Variants in EFR3B observed in about 807,000 individuals in gnomAD.
EFR3B encodes EFR3 homolog B.
A neutral mutation model predicts 104.7 loss-of-function variants in EFR3B; 64 were observed. The observed-to-expected ratio is 0.61, with a 90% confidence interval of 0.50 to 0.75. The LOEUF (loss-of-function observed/expected upper bound fraction) is 0.75. EFR3B is among the 30% of genes least tolerant of loss of function. The pLI is 0.00. For missense variants in EFR3B, 750 were observed against 1,078.5 expected, an observed-to-expected ratio of 0.70 and a Z score of 4.27; for synonymous variants, 385 against 417.9, an observed-to-expected ratio of 0.92 and a Z score of 0.96.
At chr2:25,122,196 A>G (rs1304904639) in intron 5 of EFR3B, among the ~76,000 whole-genome samples, 2 of 151,836 alleles carry the variant, frequency 1.3e-5, no homozygotes, top group Non-Finnish European at 2.9e-5. Context: ...CAAACTCCTG[A>G]CCTCAGGTGA....
At chr2:25,062,659 G>A (rs1330524436) in intron 1 of EFR3B, among the ~76,000 whole-genome samples, 2 of 152,208 alleles carry the variant, frequency 1.3e-5, no homozygotes, top group African/African-American at 4.8e-5. Flanking sequence ...CTTACGTGCC[G>A]AGTAGCAAGC....
chr2:25,132,771 C>T (rs1226643605), intron 10 of EFR3B, 132 bp from the exon 11 acceptor site: 2 of 735,652 alleles, frequency 2.7e-6, no homozygotes, highest in Non-Finnish European at 2.3e-6. Flanking sequence ...CCGGGCTATC[C>T]TGAATCCCTT....
chr2:25,051,697 G>T (rs71439154), intron 1 of EFR3B, among the ~76,000 whole-genome samples: 13,355 of 145,272 alleles, frequency 0.092, 797 homozygotes, highest in East Asian at 0.23. Flanking sequence ...GCTCAGTGGC[G>T]CAATCTCAGC....
chr2:25,134,173 T>TTA (rs755939359), intron 12 of EFR3B, among the ~76,000 whole-genome samples: 2 of 78,414 alleles, frequency 2.6e-5, no homozygotes, highest in African/African-American at 1.6e-4. Context: ...AGGTCTCAGT[T>TTA]TATATTTTTT....
intron 1 of EFR3B, among the ~76,000 whole-genome samples, chr2:25,047,239 C>T (rs1006602570): frequency 1.3e-5 from 2 of 152,296 alleles, no homozygotes; most frequent in South Asian, 2.1e-4. Context: ...TTTGTGTTCA[C>T]CTCCTTCAGC....
At chr2:25,067,082 A>G (rs1668354787) in intron 1 of EFR3B, among the ~76,000 whole-genome samples, 1 of 152,230 alleles carries the variant, frequency 6.6e-6, no homozygotes, top group Non-Finnish European at 1.5e-5. Context: ...TGTGGTAGCC[A>G]TTAGCCACAT....
intron 10 of EFR3B, among the ~76,000 whole-genome samples, chr2:25,132,569 C>G (rs1670376661): frequency 6.6e-6 from 1 of 152,012 alleles, no homozygotes; most frequent in African/African-American, 2.4e-5. Flanking sequence ...AAAGAAGCAC[C>G]CAACGAGAAC....
chr2:25,139,303 G>T, intron 16 of EFR3B, 113 bp downstream of exon 16: 2 of 1,275,232 alleles, frequency 1.6e-6, no homozygotes, highest in Non-Finnish European at 2.1e-6. Context: ...TGAAGACAGG[G>T]TTGAAGTAAG....
At chr2:25,097,202 T>G (rs1669304709) in intron 3 of EFR3B, among the ~76,000 whole-genome samples, 1 of 152,218 alleles carries the variant, frequency 6.6e-6, no homozygotes, top group African/African-American at 2.4e-5. Flanking sequence ...TTTAGTACCA[T>G]TCTGTTAAAA....
At chr2:25,094,345 G>A (rs1250245062) in intron 3 of EFR3B, among the ~76,000 whole-genome samples, 1 of 143,432 alleles carries the variant, frequency 7.0e-6, no homozygotes, top group Non-Finnish European at 1.5e-5. Context: ...CAACAAAAAA[G>A]TATATTCGAA....
At chr2:25,115,495 A>C (rs552155630) in intron 4 of EFR3B, among the ~76,000 whole-genome samples, 5 of 152,346 alleles carry the variant, frequency 3.3e-5, no homozygotes, top group African/African-American at 1.2e-4. Flanking sequence ...TAGTTTGCTG[A>C]AAATCGTATC....
intron 3 of EFR3B, among the ~76,000 whole-genome samples, chr2:25,099,415 T>C (rs999183738): frequency 1.3e-5 from 2 of 152,066 alleles, no homozygotes; most frequent in East Asian, 3.9e-4. Flanking sequence ...TGAAAGACAT[T>C]CTGTGGATAG....
chr2:25,126,549 G>A (rs1345739507), intron 5 of EFR3B, among the ~76,000 whole-genome samples: 2 of 151,894 alleles, frequency 1.3e-5, no homozygotes, highest in African/African-American at 2.4e-5. Context: ...TAGTAGAGAC[G>A]GGGTTTCACC....
chr2:25,054,807 C>G (rs1022373713), intron 1 of EFR3B, among the ~76,000 whole-genome samples: 16 of 152,290 alleles, frequency 1.1e-4, no homozygotes, highest in Admixed American at 4.6e-4. Flanking sequence ...GTCTGTCCAC[C>G]CTGAGAGGGG....
At chr2:25,046,286 G>A (rs914202731) in intron 1 of EFR3B, among the ~76,000 whole-genome samples, 1 of 151,924 alleles carries the variant, frequency 6.6e-6, no homozygotes, top group African/African-American at 2.4e-5. Flanking sequence ...TGGGGAGGCT[G>A]AGGCAGGAGA....
At chr2:25,081,359 C>T (rs1668801834) in intron 1 of EFR3B, 1 of 953,022 alleles carries the variant, frequency 1.0e-6, no homozygotes, top group Non-Finnish European at 1.7e-6. Flanking sequence ...TCCCAGAGAA[C>T]TTGCCAGCAG....
intron 1 of EFR3B, chr2:25,079,944 G>A: frequency 1.5e-6 from 2 of 1,320,898 alleles, no homozygotes; most frequent in South Asian, 2.3e-5. Flanking sequence ...TGCTTGCTTG[G>A]CTAAGTCCGC....
In EFR3B at chr2:25,136,389, C is replaced by A; in HGVS notation, c.1485-134C>A. On this transcript the variant is annotated intron_variant, in intron 13 of 22. Transcript: ENST00000403714. This position sits in a 1 kb window ranked among gnomAD's most constrained non-coding sequence, Gnocchi z 4.0. The stretch of plus-strand genomic sequence containing the variant: ...AACTTGGGAGGAAAAGGTAATCGGG[C>A]TGAGAACCAGGGCCAGGGGAGCACT... 4.7e-6 allele frequency: 3 copies of A among 636,616 alleles called. No individual in the cohort carries two copies. Among genetic ancestry groups the A allele is most frequent in the South Asian group, 2.1e-5 (1 of 48,426 alleles). The allele number at this position is 636,616 out of a possible 1,614,324, so 39.4% of individuals were successfully genotyped here. A position where few individuals can be genotyped will look rare whatever the true frequency, so the allele number is the denominator to read the frequency against.
chr2:25,108,692 G>A lies in EFR3B; in HGVS notation c.363+4905G>A, dbSNP rs577220056. Among the ~76,000 whole-genome samples, 49 of 152,248 alleles carry A rather than the reference G, an allele frequency of 3.2e-4. No individual in the cohort carries two copies. In the South Asian group the frequency reaches 1.0e-2, roughly 31 times the overall value. On this transcript the variant is annotated intron_variant, in intron 4 of 22. Transcript: ENST00000403714. ...ATTATAGAAACAACATAGATAAATT[G>A]GACTTCGTCAAAATTTAAAACTTTG...
Sources: gnomAD v4.1 joint callset for allele counts (sites outside exome capture counted in the v4.1 genomes callset) on GRCh38, gnomAD v4.1.1 for gene constraint, Gnocchi (gnomAD v3.1) non-coding constraint, MANE v1.5 for transcripts, NCBI Gene and HGNC (gene_info 2026-07-23, HGNC 2026-07-21) for gene names.